MRTFA: variants seen among roughly 807,000 people sequenced by gnomAD.
MRTFA encodes the protein myocardin-related transcription factor A.
A neutral mutation model predicts 83.5 loss-of-function variants in MRTFA; 20 were observed. That is an observed-to-expected ratio of 0.24 (90% confidence interval 0.17 to 0.35). The LOEUF (loss-of-function observed/expected upper bound fraction) is 0.35. MRTFA is among the 10% of genes least tolerant of loss of function. MRTFA has a pLI of 1.00. For missense variants in MRTFA, 1,200 were observed against 1,224.7 expected (o/e 0.98, Z 0.30); for synonymous variants, 659 against 541.2 (o/e 1.22, Z -3.02).
At chr22:40,503,020 G>A (rs2054522363) in intron 3 of MRTFA, among the ~76,000 whole-genome samples, 1 of 151,566 alleles carries the variant, frequency 6.6e-6, no homozygotes, top group Non-Finnish European at 1.5e-5. Context: ...CCTCATCTAC[G>A]CACAGGGAAA....
intron 3 of MRTFA, among the ~76,000 whole-genome samples, chr22:40,481,925 T>C (rs2054098968): frequency 6.6e-6 from 1 of 151,960 alleles, no homozygotes; most frequent in Non-Finnish European, 1.5e-5. Context: ...CTGGGCGTGG[T>C]GGTGGGCACC....
chr22:40,468,924 G>C (rs1219155720), intron 3 of MRTFA, among the ~76,000 whole-genome samples: 1 of 152,116 alleles, frequency 6.6e-6, no homozygotes, highest in Non-Finnish European at 1.5e-5. Context: ...GTTTTCATGA[G>C]AATTAACAAT....
chr22:40,475,108 G>A (rs1055043106), intron 3 of MRTFA, among the ~76,000 whole-genome samples: 1 of 151,898 alleles, frequency 6.6e-6, no homozygotes, highest in Non-Finnish European at 1.5e-5. Context: ...CAACGTGCTG[G>A]GATTACAGGT....
chr22:40,612,707 G>A (rs1010285377), intron 1 of MRTFA, among the ~76,000 whole-genome samples: 1 of 152,126 alleles, frequency 6.6e-6, no homozygotes, highest in Non-Finnish European at 1.5e-5. Flanking sequence ...TAGCATTTTG[G>A]AAGCCCAAGG....
intron 1 of MRTFA, among the ~76,000 whole-genome samples, chr22:40,596,201 C>T (rs1173940183): frequency 6.6e-6 from 1 of 151,982 alleles, no homozygotes; most frequent in Non-Finnish European, 1.5e-5. Flanking sequence ...AAAATAGCCT[C>T]TGTTGTAAAT....
At chr22:40,477,400 C>T (rs1043511972) in intron 3 of MRTFA, among the ~76,000 whole-genome samples, 1 of 151,578 alleles carries the variant, frequency 6.6e-6, no homozygotes, top group Non-Finnish European at 1.5e-5. Flanking sequence ...AAGGGGAGAC[C>T]AAAAGACATC....
Position 40,418,743 on chromosome 22 carries a change from G to GGCGGGGGCGGGT in MRTFA, c.1994_1995insACCCGCCCCCGC (p.Ala667_Pro670dup). ...GGGTGCCGAGGGGGGCGGGGGCGGGGGCGGGCTGCTGGGCTCGCTTCTCCT... is the reference window on the plus strand; with the variant it reads ...GGGTGCCGAGGGGGGCGGGGGCGGGGGCGGGGGCGGGTGCGGGCTGCTGGGCTCGCTTCTCCT... On this transcript the variant is annotated inframe_insertion, in exon 12 of 15. Coordinates refer to ENST00000355630, the MANE Select transcript of MRTFA (RefSeq NM_020831.6). 1 of 873,720 alleles carries GGCGGGGGCGGGT rather than the reference G, an allele frequency of 1.1e-6. No homozygotes were observed. The highest frequency in any genetic ancestry group is 1.6e-6 in the Non-Finnish European group (1 of 624,342). 54.1% of individuals were successfully genotyped at this position (873,720 alleles called of 1,614,324 possible).
At chr22:40,462,803 A>G (rs1463132833) in intron 4 of MRTFA, among the ~76,000 whole-genome samples, 1 of 152,184 alleles carries the variant, frequency 6.6e-6, no homozygotes, top group East Asian at 1.9e-4. Context: ...AAAATACCAG[A>G]AAAGAGGTTT....
chr22:40,616,852 C>T (rs2056454433), intron 1 of MRTFA, among the ~76,000 whole-genome samples: 1 of 152,056 alleles, frequency 6.6e-6, no homozygotes, highest in Admixed American at 6.6e-5. Flanking sequence ...AATCCCAGCA[C>T]TTTTGGAAGG....
chr22:40,587,045 G>C, intron 2 of MRTFA: 1 of 473,906 alleles, frequency 2.1e-6, no homozygotes. Flanking sequence ...GCTTCAACAT[G>C]ATTTTCAGGT....
At chr22:40,435,807 C>G (rs769241928) in intron 4 of MRTFA, among the ~76,000 whole-genome samples, 1 of 151,814 alleles carries the variant, frequency 6.6e-6, no homozygotes, top group Admixed American at 6.6e-5. Flanking sequence ...TGGTGGTGGG[C>G]GCCTGAAGTC....
At chr22:40,612,701 A>C (rs2056400723) in intron 1 of MRTFA, among the ~76,000 whole-genome samples, 1 of 152,206 alleles carries the variant, frequency 6.6e-6, no homozygotes, top group African/African-American at 2.4e-5. Flanking sequence ...TAATCCTAGC[A>C]TTTTGGAAGC....
intron 2 of MRTFA, among the ~76,000 whole-genome samples, chr22:40,563,503 G>GA (rs55787923): frequency 0.18 from 16,572 of 89,804 alleles, 1,138 homozygotes; most frequent in East Asian, 0.32. Flanking sequence ...CACAGATACA[G>GA]AAAAAAAAAA....
intron 2 of MRTFA, among the ~76,000 whole-genome samples, chr22:40,582,004 T>C (rs1432181927): frequency 6.6e-6 from 1 of 152,224 alleles, no homozygotes; most frequent in Admixed American, 6.5e-5. Flanking sequence ...TGTGGAACCA[T>C]TACTACTAGC....
At chr22:40,570,896 T>C (rs569229857) in intron 2 of MRTFA, among the ~76,000 whole-genome samples, 1 of 151,594 alleles carries the variant, frequency 6.6e-6, no homozygotes, top group Non-Finnish European at 1.5e-5. Context: ...ATAATCCTAA[T>C]AAAGAACATG....
At chr22:40,491,262 G>C (rs557596224) in intron 3 of MRTFA, among the ~76,000 whole-genome samples, 1 of 151,906 alleles carries the variant, frequency 6.6e-6, no homozygotes, top group Non-Finnish European at 1.5e-5. Flanking sequence ...GAATCACTTG[G>C]GCCCAGGAGG....
At chr22:40,436,823 G>A (rs1011252217) in intron 4 of MRTFA, among the ~76,000 whole-genome samples, 4 of 152,146 alleles carry the variant, frequency 2.6e-5, no homozygotes, top group Non-Finnish European at 5.9e-5. Context: ...GATAACTTTT[G>A]CTAGGCTGCT....
rs188915630 is a variant in MRTFA at position 40,573,171 on chromosome 22, T to C, written c.-21-20804A>G. 2.6e-5 allele frequency among the ~76,000 whole-genome samples: 4 copies of C among 152,156 alleles called. No individual in the cohort carries two copies. The East Asian group carries it at 7.7e-4, about 29-fold the overall frequency. The stretch of plus-strand genomic sequence containing the variant: ...AAGTTTCTTTTTGGGATGATGAAAA[T>C]GTTCTGGAATTGGACAGTGGTGGCA... On this transcript the variant is annotated intron_variant, in intron 2 of 14. Transcript: ENST00000355630.
At chr22:40,505,073 A>G (rs2054559271) in intron 3 of MRTFA, among the ~76,000 whole-genome samples, 1 of 152,226 alleles carries the variant, frequency 6.6e-6, no homozygotes. Flanking sequence ...TATGCAATGG[A>G]TACTCAATAA....
Sources: allele counts gnomAD v4.1 joint callset (sites outside exome capture counted in the v4.1 genomes callset), GRCh38; gene constraint gnomAD v4.1.1; transcripts MANE v1.5; gene names NCBI Gene and HGNC (gene_info 2026-07-23, HGNC 2026-07-21).